The following KDM1A variants were observed in gnomAD, a reference collection of about 807,000 sequenced individuals.
KDM1A encodes lysine-specific histone demethylase 1A.
Under a neutral mutation model 109.4 loss-of-function variants are expected in KDM1A, and 49 were observed. The ratio of observed to expected loss-of-function variants is 0.45; its 90% CI spans 0.36 to 0.57. KDM1A has a LOEUF of 0.57. KDM1A is among the 20% of genes least tolerant of loss of function. The probability of loss-of-function intolerance (pLI) is 0.00; values close to 1 mark genes in which losing one functional copy is unlikely to be tolerated. For synonymous variants in KDM1A, 380 were observed against 415.4 expected, an observed-to-expected ratio of 0.91 and a Z score of 1.04; for missense variants, 668 against 1,116.6, an observed-to-expected ratio of 0.60 and a Z score of 5.73.
rs34692132 is a variant in KDM1A at position 23,037,303 on chromosome 1, C to CAAAAAA, written c.517+6683_517+6688dup. 3.9e-3 allele frequency among the ~76,000 whole-genome samples: 217 copies of CAAAAAA among 55,884 alleles called. 1 individual carries two copies. Among genetic ancestry groups the CAAAAAA allele is most frequent in the African/African-American group, 0.013 (200 of 15,194 alleles). The allele number at this position is 55,884 out of a possible 152,430, so 36.7% of individuals were successfully genotyped here. ...TGGGTGATAGAGTGAGACCCTGTCT[C>CAAAAAA]AAAAAAAAAAAAAAAAAAAGTGCAA... On this transcript the variant is annotated intron_variant, in intron 2 of 20. Transcript: ENST00000400181.
intron 12 of KDM1A, among the ~76,000 whole-genome samples, chr1:23,070,417 G>A (rs943090755): frequency 6.6e-6 from 1 of 152,044 alleles, no homozygotes; most frequent in Non-Finnish European, 1.5e-5. Flanking sequence ...GTTGCAGTGA[G>A]CTGAGATTGT....
Position 23,079,573 on chromosome 1 carries a change from G to A in KDM1A, c.2076G>A (p.Arg692=). Residue 692 remains arginine, a synonymous_variant, in exon 18 of 21, where the codon CGG becomes CGA. Coordinates refer to ENST00000400181, the MANE Select transcript of KDM1A (RefSeq NM_001009999.3). The surrounding 1 kb of genome is among the most constrained non-coding windows in gnomAD (Gnocchi z 5.6). ...NLNKVVLCFD[R]VFWDPSVNLF... Reference sequence around the variant, plus strand: ...GGTAGGTGGTGTTGTGTTTTGATCGGGTGTTCTGGGATCCAAGTGTCAATT... The same window carrying A: ...GGTAGGTGGTGTTGTGTTTTGATCGAGTGTTCTGGGATCCAAGTGTCAATT... The A allele has an allele frequency of 6.2e-7, 1 of 1,613,758 alleles. No individual in the cohort carries two copies. The highest frequency in any genetic ancestry group is 8.5e-7 in the Non-Finnish European group (1 of 1,179,874).
At chr1:23,071,137 G>A (rs995208183) in intron 12 of KDM1A, 88 bp from the exon 13 acceptor site, 4 of 1,120,360 alleles carry the variant, frequency 3.6e-6, no homozygotes, top group Non-Finnish European at 5.1e-6. Flanking sequence ...TGGGATAGCA[G>A]TTTTGAGGAG....
intron 10 of KDM1A, among the ~76,000 whole-genome samples, chr1:23,067,325 G>C (rs906510427): frequency 3.9e-5 from 6 of 152,210 alleles, no homozygotes; most frequent in African/African-American, 1.4e-4. Context: ...TTTGGGGGCA[G>C]ATTGCCCTTC....
chr1:23,077,153 T>C lies in KDM1A; in HGVS notation c.1735-75T>C. 5 of 1,392,322 alleles carry C rather than the reference T, an allele frequency of 3.6e-6. No homozygotes were observed. The South Asian group carries it at 5.8e-5, about 16-fold the overall frequency. The allele number at this position is 1,392,322 out of a possible 1,614,324, so 86.2% of individuals were successfully genotyped here. Reference sequence around the variant, plus strand: ...TTTCCACAAGCTTGTGTTTTCATTGTTGTTGTACAGAACTAGGTGCAAATG... The same window carrying C: ...TTTCCACAAGCTTGTGTTTTCATTGCTGTTGTACAGAACTAGGTGCAAATG... On this transcript the variant is annotated intron_variant, in intron 15 of 20. Transcript: ENST00000400181.
chr1:23,051,692 T>C (rs1642674735), intron 4 of KDM1A, among the ~76,000 whole-genome samples: 1 of 152,204 alleles, frequency 6.6e-6, no homozygotes, highest in African/African-American at 2.4e-5. Flanking sequence ...AACATGCTCA[T>C]GTTACTCTAG....
intron 2 of KDM1A, among the ~76,000 whole-genome samples, chr1:23,042,447 T>TA (rs1642370190): frequency 2.0e-5 from 2 of 99,302 alleles, no homozygotes; most frequent in African/African-American, 3.7e-5. Context: ...ATTATTTTTT[T>TA]TTTTTTTTTT....
chr1:23,056,174 G>T, intron 7 of KDM1A, 136 bp downstream of exon 7: 2 of 518,314 alleles, frequency 3.9e-6, no homozygotes, highest in African/African-American at 2.0e-5. Context: ...ATTTTGGATA[G>T]TGTTATTTAT....
intron 15 of KDM1A, among the ~76,000 whole-genome samples, chr1:23,076,361 G>A (rs1293621819): frequency 6.6e-6 from 1 of 151,898 alleles, no homozygotes; most frequent in Non-Finnish European, 1.5e-5. Context: ...TTACTGTATG[G>A]ACTGTCTTGG....
At chr1:23,032,930 C>T (rs986805290) in intron 2 of KDM1A, among the ~76,000 whole-genome samples, 2 of 152,188 alleles carry the variant, frequency 1.3e-5, no homozygotes, top group Admixed American at 6.5e-5. Context: ...GACGGAGTCT[C>T]GCTCTGTCGC....
chr1:23,059,087 G>A lies in KDM1A; in HGVS notation c.1087G>A (p.Ala363Thr). Residue 363 changes from alanine to threonine, a missense_variant, in exon 9 of 21, where the codon GCT (alanine) becomes ACT (threonine). Physicochemically the swap from Ala to Thr is moderately conservative, Grantham distance 58 (BLOSUM62 0). Coordinates refer to ENST00000400181, the MANE Select transcript of KDM1A (RefSeq NM_001009999.3). Reference protein sequence around the residue: ...VVTGLGGNPMAVVSKQVNMEL... With the variant: ...VVTGLGGNPMTVVSKQVNMEL... ...TTTTTTTCTAGGAGGGAATCCTATGGCTGTGGTCAGCAAACAAGTAAATAT... is the reference window on the plus strand; with the variant it reads ...TTTTTTTCTAGGAGGGAATCCTATGACTGTGGTCAGCAAACAAGTAAATAT... The A allele has an allele frequency of 6.2e-7, 1 of 1,610,648 alleles. No individual in the cohort carries two copies. Among genetic ancestry groups the A allele is most frequent in the Non-Finnish European group, 8.5e-7 (1 of 1,178,722 alleles).
intron 2 of KDM1A, among the ~76,000 whole-genome samples, chr1:23,040,225 AC>A (rs1197776369): frequency 3.9e-5 from 6 of 152,246 alleles, no homozygotes; most frequent in African/African-American, 1.4e-4. Flanking sequence ...GAAACAACCA[AC>A]CAGTGATTTT....
At chr1:23,067,727 G>A (rs1643198155) in intron 10 of KDM1A, among the ~76,000 whole-genome samples, 3 of 152,168 alleles carry the variant, frequency 2.0e-5, no homozygotes, top group Admixed American at 2.0e-4. Flanking sequence ...TCAACAATAG[G>A]ATTGCAGATA....
chr1:23,053,732 G>A lies in KDM1A; in HGVS notation c.712-29G>A, dbSNP rs1454503405. ...TCAAATAACATATGTCTATTTGTAT[G>A]TAATACAATTTATGTCATTTAAATG... On this transcript the variant is annotated intron_variant, in intron 4 of 20. Transcript: ENST00000400181. 7 of 1,439,838 alleles carry A rather than the reference G, an allele frequency of 4.9e-6. No individual in the cohort carries two copies. In the Admixed American group the frequency reaches 1.0e-4, roughly 21 times the overall value. 89.2% of individuals were successfully genotyped at this position (1,439,838 alleles called of 1,614,324 possible). A position where few individuals can be genotyped will look rare whatever the true frequency, so the allele number is the denominator to read the frequency against.
chr1:23,033,244 T>C (rs1244135312), intron 2 of KDM1A, among the ~76,000 whole-genome samples: 1 of 152,144 alleles, frequency 6.6e-6, no homozygotes, highest in Non-Finnish European at 1.5e-5. Flanking sequence ...TCAAAAAATA[T>C]AGGTTAGGGC....
chr1:23,077,383 G>A, intron 16 of KDM1A, 23 bp downstream of exon 16: 2 of 1,602,430 alleles, frequency 1.2e-6, no homozygotes, highest in Non-Finnish European at 1.7e-6. Context: ...TTTACAAAAG[G>A]TAAGAGAGAA....
At chr1:23,036,419 G>A (rs1028835010) in intron 2 of KDM1A, among the ~76,000 whole-genome samples, 1 of 151,478 alleles carries the variant, frequency 6.6e-6, no homozygotes, top group Non-Finnish European at 1.5e-5. Context: ...TCAGAAAATA[G>A]GCATAGGGTT....
rs1240344528 is a variant in KDM1A, at chr1:23,030,642, G to T, written c.517+8G>T. 2.0e-6 allele frequency: 3 copies of T among 1,531,354 alleles called. No homozygotes were observed. The highest frequency in any genetic ancestry group is 2.6e-6 in the Non-Finnish European group (3 of 1,146,346). The allele number at this position is 1,531,354 out of a possible 1,614,324, so 94.9% of individuals were successfully genotyped here. ...AGCCTGAAGAACCATCGGGTGAGTT[G>T]TAGTATCCAACCACAGTTCTGTTTT... On this transcript the variant is annotated splice_region_variant and intron_variant, in intron 2 of 20. Coordinates refer to ENST00000400181, the MANE Select transcript of KDM1A (RefSeq NM_001009999.3).
intron 2 of KDM1A, among the ~76,000 whole-genome samples, chr1:23,032,867 A>G (rs1010856844): frequency 2.6e-5 from 4 of 152,228 alleles, no homozygotes; most frequent in African/African-American, 7.2e-5. Flanking sequence ...CTATATGACT[A>G]TATTAAAAGC....
Sources: gnomAD v4.1 joint callset for allele counts (sites outside exome capture counted in the v4.1 genomes callset) on GRCh38, gnomAD v4.1.1 for gene constraint, Gnocchi (gnomAD v3.1) non-coding constraint, MANE v1.5 for transcripts, NCBI Gene and HGNC (gene_info 2026-07-23, HGNC 2026-07-21) for gene names.